Variants in CES1 observed in about 807,000 individuals in gnomAD.
CES1 encodes carboxylesterase 1, also known as liver carboxylesterase 1.
Under a neutral mutation model 53.0 loss-of-function variants are expected in CES1, and 50 were observed. The observed-to-expected ratio is 0.94, with a 90% CI of 0.75 to 1.19. The LOEUF (loss-of-function observed/expected upper bound fraction) is 1.19, where lower values mean the gene tolerates loss of function less well. Among genes scored for constraint, CES1 ranks in the 50% most tolerant of loss-of-function variants. The probability of loss-of-function intolerance (pLI) is 0.00; values close to 1 mark genes in which losing one functional copy is unlikely to be tolerated. For missense variants in CES1, 534 were observed against 538.0 expected (o/e 0.99, Z 0.07); for synonymous variants, 202 against 210.1 (o/e 0.96, Z 0.33).
intron 4 of CES1, among the ~76,000 whole-genome samples, chr16:55,822,368 AG>A (rs1424714178): frequency 2.0e-5 from 3 of 152,376 alleles, no homozygotes; most frequent in Admixed American, 2.0e-4. Flanking sequence ...GGTGCAAAGT[AG>A]GGGACTCTGA....
At chr16:55,832,748 C>G (rs878960599) in intron 1 of CES1, among the ~76,000 whole-genome samples, 2 of 152,210 alleles carry the variant, frequency 1.3e-5, no homozygotes, top group South Asian at 2.1e-4. Flanking sequence ...TGTGTGCGGC[C>G]TGAGGTGGGC....
intron 6 of CES1, chr16:55,819,906 G>A: frequency 1.7e-6 from 1 of 587,594 alleles, no homozygotes. Context: ...AGGTGAATGT[G>A]TCAAGAAATG....
At chr16:55,831,570 A>G (rs1290154545) in intron 1 of CES1, among the ~76,000 whole-genome samples, 2 of 150,698 alleles carry the variant, frequency 1.3e-5, no homozygotes, top group Admixed American at 6.6e-5. Context: ...GTAGGCATCA[A>G]CATGCCCATT....
intron 5 of CES1, 114 bp from the exon 6 acceptor site, chr16:55,820,593 C>T: frequency 2.6e-6 from 4 of 1,543,538 alleles, no homozygotes; most frequent in African/African-American, 2.7e-5. Context: ...ACTGAGGAAT[C>T]CAGTAGTGGG....
At chr16:55,824,107 A>G (rs1567504133) in intron 3 of CES1, among the ~76,000 whole-genome samples, 1 of 152,220 alleles carries the variant, frequency 6.6e-6, no homozygotes, top group Non-Finnish European at 1.5e-5. Context: ...CTCTTGGTGA[A>G]GTAAACTTCT....
At chr16:55,819,848 T>G (rs1433116188) in intron 6 of CES1, among the ~76,000 whole-genome samples, 2 of 152,210 alleles carry the variant, frequency 1.3e-5, no homozygotes, top group Non-Finnish European at 2.9e-5. Context: ...TTATGTAATC[T>G]CTCATCTCTG....
Position 55,810,532 on chromosome 16 carries a change from CCACAATCACAGATGGGA to C in CES1, c.1286_1302del (p.Val429GlyfsTer15). ...TGGGACTCACCTCTGTGGTTCCGGGCCACAATCACAGATGGGACACCAAACATCACATCTGCTATCAA... is the reference window on the plus strand; with the variant it reads ...TGGGACTCACCTCTGTGGTTCCGGGCCACCAAACATCACATCTGCTATCAA... On this transcript the variant is annotated frameshift_variant, in exon 11 of 14. Coordinates refer to ENST00000360526, the MANE Select transcript of CES1 (RefSeq NM_001025195.2). LOFTEE classifies it high-confidence loss of function. 1 of 1,614,174 alleles carries C rather than the reference CCACAATCACAGATGGGA, an allele frequency of 6.2e-7. No individual in the cohort carries two copies. Among genetic ancestry groups the C allele is most frequent in the Non-Finnish European group, 8.5e-7 (1 of 1,180,040 alleles).
intron 11 of CES1, among the ~76,000 whole-genome samples, chr16:55,808,898 A>G (rs1247047907): frequency 1.3e-5 from 2 of 152,176 alleles, no homozygotes; most frequent in Non-Finnish European, 1.5e-5. Context: ...AAATCTTTAG[A>G]CGAAAACACA....
chr16:55,814,695 C>A (rs2031853891), intron 8 of CES1, among the ~76,000 whole-genome samples: 1 of 152,214 alleles, frequency 6.6e-6, no homozygotes, highest in Non-Finnish European at 1.5e-5. Context: ...GCTGTATTTC[C>A]CTTCTGGATA....
intron 1 of CES1, among the ~76,000 whole-genome samples, chr16:55,829,537 G>T (rs556087406): frequency 6.6e-6 from 1 of 152,370 alleles, no homozygotes; most frequent in African/African-American, 2.4e-5. Context: ...GAGGGGAGAT[G>T]AGAAGCAGAG....
chr16:55,819,692 A>G lies in CES1; in HGVS notation c.802-53T>C. Reference sequence around the variant, plus strand: ...TTCAAGAGCGACATCCCTTCCCTCCATCAAAGAGGAAAGTGGCATTCTATC... The same window carrying G: ...TTCAAGAGCGACATCCCTTCCCTCCGTCAAAGAGGAAAGTGGCATTCTATC... On this transcript the variant is annotated intron_variant, in intron 6 of 13. Coordinates refer to ENST00000360526, the MANE Select transcript of CES1 (RefSeq NM_001025195.2). 6 of 1,439,578 alleles carry G rather than the reference A, an allele frequency of 4.2e-6. No homozygotes were observed. The South Asian group carries it at 4.5e-5, about 11-fold the overall frequency. The allele number at this position is 1,439,578 out of a possible 1,614,324, so 89.2% of individuals were successfully genotyped here.
chr16:55,810,772 C>T, intron 10 of CES1, 108 bp from the exon 11 acceptor site: 3 of 1,475,464 alleles, frequency 2.0e-6, no homozygotes, highest in Non-Finnish European at 2.8e-6. Flanking sequence ...CTGTGCAACT[C>T]CCCGCTAGGG....
intron 1 of CES1, among the ~76,000 whole-genome samples, chr16:55,831,122 G>A (rs1200631519): frequency 6.6e-6 from 1 of 152,158 alleles, no homozygotes; most frequent in African/African-American, 2.4e-5. Context: ...GATGTGTATG[G>A]CTTCATTGAA....
At position 55,830,773 on chromosome 16, in the gene CES1, A is replaced by AGAAGGAAGGAAGGAAGGAAG. The variant is rs1200351837; in HGVS notation, c.53-1819_53-1800dup. 9.4e-3 allele frequency among the ~76,000 whole-genome samples: 724 copies of AGAAGGAAGGAAGGAAGGAAG among 76,756 alleles called. 9 individuals carry two copies. The highest frequency in any genetic ancestry group is 0.015 in the African/African-American group (297 of 19,344). 50.4% of individuals were successfully genotyped at this position (76,756 alleles called of 152,430 possible). ...AGGAAGGAAAGAAGGAAGGAAGGAAAGAAGGAAGGAAGGAAGGAAGGAAGG... is the reference window on the plus strand; with the variant it reads ...AGGAAGGAAAGAAGGAAGGAAGGAAAGAAGGAAGGAAGGAAGGAAGGAAGGAAGGAAGGAAGGAAGGAAGG... On this transcript the variant is annotated intron_variant, in intron 1 of 13. Coordinates refer to ENST00000360526, the MANE Select transcript of CES1 (RefSeq NM_001025195.2).
chr16:55,831,099 G>A (rs1259340684), intron 1 of CES1, among the ~76,000 whole-genome samples: 32 of 150,828 alleles, frequency 2.1e-4, no homozygotes, highest in Non-Finnish European at 7.4e-5. Flanking sequence ...GGACTGTGAG[G>A]GTACATACGG....
In CES1 at chr16:55,821,503, G is replaced by A; in HGVS notation, c.558C>T (p.Ser186=). 1 of 1,614,184 alleles carries A rather than the reference G, an allele frequency of 6.2e-7. No individual in the cohort carries two copies. Among genetic ancestry groups the A allele is most frequent in the South Asian group, 1.1e-5 (1 of 91,084 alleles). Residue 186 remains serine (S), a synonymous_variant, in exon 5 of 14, where the codon AGC becomes AGT. Coordinates refer to ENST00000360526, the MANE Select transcript of CES1 (RefSeq NM_001025195.2). ...WGFFSTGDEH[S]RGNWGHLDQV... ...GGTCCAGGTGACCCCAGTTCCCCCGGCTGTGTTCATCCCCTGTGCTGTGAG... is the reference window on the plus strand; with the variant it reads ...GGTCCAGGTGACCCCAGTTCCCCCGACTGTGTTCATCCCCTGTGCTGTGAG...
Position 55,810,573 on chromosome 16 carries a change from A to G in CES1, c.1262T>C (p.Leu421Ser), listed in dbSNP as rs1394276202. The change falls in exon 11 of 14, where the codon TTG becomes TCG. Residue 421 changes from leucine to serine, a missense_variant. Coordinates refer to ENST00000360526, the MANE Select transcript of CES1 (RefSeq NM_001025195.2). ...GACACCAAACATCACATCTGCTATC[A>G]AGTCCAGGAACAGGTCTTTCTTTTT... ...TVKKKDLFLD[L>S]IADVMFGVPS... 2 of 1,614,190 alleles carry G rather than the reference A, an allele frequency of 1.2e-6. No homozygotes were observed. Among genetic ancestry groups the G allele is most frequent in the South Asian group, 1.1e-5 (1 of 91,086 alleles).
chr16:55,811,080 C>A, intron 9 of CES1, 70 bp from the exon 10 acceptor site: 2 of 1,279,186 alleles, frequency 1.6e-6, no homozygotes, highest in Non-Finnish European at 2.3e-6. Context: ...ACTGACCAAC[C>A]AACCAAACCA....
intron 2 of CES1, among the ~76,000 whole-genome samples, chr16:55,827,124 T>C (rs1177222337): frequency 6.6e-6 from 1 of 152,004 alleles, no homozygotes; most frequent in Non-Finnish European, 1.5e-5. Flanking sequence ...CAAAAGGCAG[T>C]CATCACCGCC....
Sources: allele counts gnomAD v4.1 joint callset (sites outside exome capture counted in the v4.1 genomes callset), GRCh38; gene constraint gnomAD v4.1.1; transcripts MANE v1.5; gene names NCBI Gene and HGNC (gene_info 2026-07-23, HGNC 2026-07-21).